The following MAP3K2 variants were observed in gnomAD, a reference collection of about 807,000 sequenced individuals.
MAP3K2 encodes the protein MAP/ERK kinase kinase 2.
In MAP3K2, 24 loss-of-function variants were observed where a neutral mutation model predicts 80.3. The observed-to-expected ratio is 0.30, with a 90% CI of 0.22 to 0.42. MAP3K2 has a LOEUF of 0.42. Ranked by LOEUF, MAP3K2 falls within the 10% of genes least tolerant of loss-of-function variation. MAP3K2 has a pLI of 1.00. For missense variants in MAP3K2, 608 were observed against 750.1 expected (o/e 0.81, Z 2.21); for synonymous variants, 244 against 253.7 (o/e 0.96, Z 0.36).
intron 1 of MAP3K2, among the ~76,000 whole-genome samples, chr2:127,385,654 A>G (rs748970786): frequency 1.3e-5 from 2 of 152,230 alleles, no homozygotes; most frequent in Non-Finnish European, 2.9e-5. Flanking sequence ...ACTATTACCA[A>G]ATTTTCTGTA....
At chr2:127,384,607 A>C (rs1687312396) in intron 1 of MAP3K2, among the ~76,000 whole-genome samples, 2 of 152,196 alleles carry the variant, frequency 1.3e-5, no homozygotes, top group African/African-American at 4.8e-5. Flanking sequence ...TACAATTAGA[A>C]GCAGAGCTAA....
At chr2:127,357,396 G>C (rs1686814840) in intron 1 of MAP3K2, among the ~76,000 whole-genome samples, 1 of 152,200 alleles carries the variant, frequency 6.6e-6, no homozygotes, top group Non-Finnish European at 1.5e-5. Flanking sequence ...AGGTGAAGCA[G>C]GAGGATCCCT....
At chr2:127,387,133 T>TA (rs1387177306) in intron 1 of MAP3K2, among the ~76,000 whole-genome samples, 1 of 152,190 alleles carries the variant, frequency 6.6e-6, no homozygotes, top group African/African-American at 2.4e-5. Context: ...CTTTTTCGCT[T>TA]ACTGCATGTA....
rs778350898 is a variant in MAP3K2 at position 127,330,495 on chromosome 2, G to A, written c.275C>T (p.Pro92Leu). 1 of 1,583,966 alleles carries A rather than the reference G, an allele frequency of 6.3e-7. No individual in the cohort carries two copies. The highest frequency in any genetic ancestry group is 8.6e-7 in the Non-Finnish European group (1 of 1,157,416). ...GTCCAAGTCATCTTGAGTAGTTAATGGAATTACCAACTAAAAACAAACATA... is the reference window on the plus strand; with the variant it reads ...GTCCAAGTCATCTTGAGTAGTTAATAGAATTACCAACTAAAAACAAACATA... ...LHYTNNELVI[P>L]LTTQDDLDKA... Residue 92 changes from proline (P) to leucine (L), a missense_variant, in exon 6 of 17, where the codon CCA (proline) becomes CTA (leucine). By Grantham distance (98) the Pro-to-Leu change is moderately conservative (BLOSUM62 -3). Transcript: ENST00000682094.
intron 1 of MAP3K2, among the ~76,000 whole-genome samples, chr2:127,343,915 G>A (rs1009303850): frequency 2.0e-4 from 31 of 152,072 alleles, no homozygotes; most frequent in Non-Finnish European, 4.0e-4. Context: ...AGCTACTTGG[G>A]AGGCTTGAGG....
At position 127,303,360 on chromosome 2, in the gene MAP3K2, T is replaced by C. The variant is rs921518958; in HGVS notation, c.*4219A>G. ...AAAAAAGAACAAAAAAACACTGTTA[T>C]GGAATAAATGCTCCCCATCACCAGA... is the stretch of plus-strand genomic sequence containing the variant. On this transcript the variant is annotated 3_prime_UTR_variant, in exon 17 of 17. Coordinates refer to ENST00000682094, the MANE Select transcript of MAP3K2 (RefSeq NM_001371910.2). 10 of 150,650 alleles carry C rather than the reference T, an allele frequency of 6.6e-5. No individual in the cohort carries two copies. Among genetic ancestry groups the C allele is most frequent in the Admixed American group, 1.3e-4 (2 of 15,118 alleles). The allele number at this position is 150,650 out of a possible 1,614,324, so 9.3% of individuals were successfully genotyped here. A position where few individuals can be genotyped will look rare whatever the true frequency, so the allele number is the denominator to read the frequency against.
At chr2:127,366,973 C>A (rs1026770887) in intron 1 of MAP3K2, among the ~76,000 whole-genome samples, 1 of 144,526 alleles carries the variant, frequency 6.9e-6, no homozygotes, top group Non-Finnish European at 1.5e-5. Flanking sequence ...CGGATTCAAG[C>A]CAATCTCCCG....
intron 1 of MAP3K2, among the ~76,000 whole-genome samples, chr2:127,344,018 A>T (rs889355210): frequency 6.6e-6 from 1 of 152,172 alleles, no homozygotes; most frequent in African/African-American, 2.4e-5. Context: ...GAAGAAAAAA[A>T]AAAGTGTTTG....
chr2:127,343,191 TG>T lies in MAP3K2; in HGVS notation c.-63del, dbSNP rs1276229497. ...ATGGTTCTCCCATCAGCATTCTTTATGGCCTGAGAAGATAAAACAGATCAGC... is the reference window on the plus strand; with the variant it reads ...ATGGTTCTCCCATCAGCATTCTTTATGCCTGAGAAGATAAAACAGATCAGC... On this transcript the variant is annotated splice_region_variant and 5_prime_UTR_variant, in exon 2 of 17. Coordinates refer to ENST00000682094, the MANE Select transcript of MAP3K2 (RefSeq NM_001371910.2). 3.7e-5 allele frequency: 49 copies of T among 1,341,496 alleles called. No individual in the cohort carries two copies. The highest frequency in any genetic ancestry group is 8.4e-5 in the Admixed American group (4 of 47,876). The allele number at this position is 1,341,496 out of a possible 1,614,324, so 83.1% of individuals were successfully genotyped here.
At chr2:127,336,465 T>A (rs930780719) in intron 4 of MAP3K2, among the ~76,000 whole-genome samples, 1 of 152,202 alleles carries the variant, frequency 6.6e-6, no homozygotes, top group Non-Finnish European at 1.5e-5. Context: ...AAAATTCTAG[T>A]GTTTTCTTTC....
intron 1 of MAP3K2, among the ~76,000 whole-genome samples, chr2:127,368,940 C>A (rs1687016691): frequency 6.6e-6 from 1 of 151,514 alleles, no homozygotes; most frequent in Non-Finnish European, 1.5e-5. Context: ...TTATTATTCT[C>A]AAATATTTTA....
At position 127,322,358 on chromosome 2, in the gene MAP3K2, G is replaced by T. The variant is rs111826303; in HGVS notation, c.839-106C>A. On this transcript the variant is annotated intron_variant, in intron 11 of 16. Coordinates refer to ENST00000682094, the MANE Select transcript of MAP3K2 (RefSeq NM_001371910.2). This position sits in a 1 kb window ranked among gnomAD's most constrained non-coding sequence, Gnocchi z 4.2. ...GAATAGAAATTTGTCCTGTGACTAG[G>T]CTAAGAAACTCAAATAGGAATGATT... The T allele has an allele frequency of 2.1e-5, 14 of 671,146 alleles. No individual in the cohort carries two copies. Among genetic ancestry groups the T allele is most frequent in the Non-Finnish European group, 3.2e-5 (13 of 403,298 alleles). The allele number at this position is 671,146 out of a possible 1,614,324, so 41.6% of individuals were successfully genotyped here.
At chr2:127,388,050 C>A (rs562086821), upstream of MAP3K2, 188 of 983,508 alleles carry the variant, frequency 1.9e-4, no homozygotes, top group African/African-American at 3.1e-3. Flanking sequence ...GTAGCGGAAC[C>A]CGCCGCGGGC....
intron 1 of MAP3K2, among the ~76,000 whole-genome samples, chr2:127,349,159 T>C (rs1686646737): frequency 7.0e-6 from 1 of 143,356 alleles, no homozygotes; most frequent in Admixed American, 6.8e-5. Context: ...GTTCCTTTCT[T>C]TTCTTTCTTT....
rs562491234 is a variant in MAP3K2, at chr2:127,329,981, G to A, written c.406C>T (p.Leu136=). Residue 136 remains leucine (L), a synonymous_variant, in exon 7 of 17, where the codon CTA becomes TTA. Transcript: ENST00000682094. ...QATNLEPLPS[L]EDLDNTVFGA... ...AATACTGTATTATCCAAATCTTCTA[G>A]TGATGGCAATGGTTCTAAATTAGTA... 9 of 1,609,370 alleles carry A rather than the reference G, an allele frequency of 5.6e-6. No homozygotes were observed. In the African/African-American group the frequency reaches 9.3e-5, roughly 17 times the overall value.
At chr2:127,317,499 C>CT in intron 14 of MAP3K2, 130 bp downstream of exon 14, 4 of 688,692 alleles carry the variant, frequency 5.8e-6, no homozygotes, top group Non-Finnish European at 9.0e-6. Context: ...CTACTCAGCT[C>CT]TAATTTAAAA....
intron 5 of MAP3K2, among the ~76,000 whole-genome samples, chr2:127,334,104 A>AAAAAAC (rs1157773740): frequency 5.9e-5 from 9 of 152,146 alleles, no homozygotes; most frequent in African/African-American, 2.2e-4. Context: ...CGTCTCACAC[A>AAAAAAC]AAAAACAAAA....
At chr2:127,380,444 A>C (rs1687226584) in intron 1 of MAP3K2, among the ~76,000 whole-genome samples, 1 of 152,244 alleles carries the variant, frequency 6.6e-6, no homozygotes, top group Non-Finnish European at 1.5e-5. Context: ...AAAAATTCCA[A>C]AGTTTATAAA....
chr2:127,338,024 C>G (rs1573991363), intron 3 of MAP3K2, among the ~76,000 whole-genome samples: 2 of 152,082 alleles, frequency 1.3e-5, no homozygotes, highest in South Asian at 4.1e-4. Context: ...AGTGAAGGTA[C>G]CAGGAGTATG....
Sources: allele counts gnomAD v4.1 joint callset (sites outside exome capture counted in the v4.1 genomes callset), GRCh38; gene constraint gnomAD v4.1.1; non-coding constraint Gnocchi (gnomAD v3.1); transcripts MANE v1.5; gene names NCBI Gene and HGNC (gene_info 2026-07-23, HGNC 2026-07-21).